CCSER1: variants seen among roughly 807,000 people sequenced by gnomAD.
The protein encoded by CCSER1 is serine-rich coiled-coil domain-containing protein 1.
Under a neutral mutation model 82.0 loss-of-function variants are expected in CCSER1, and 41 were observed. The observed-to-expected ratio is 0.50, with a 90% CI of 0.39 to 0.65. The LOEUF (loss-of-function observed/expected upper bound fraction) is 0.65. CCSER1 is among the 30% of genes least tolerant of loss of function. The pLI, the probability that CCSER1 is intolerant of heterozygous loss-of-function variation, is 0.00. For missense variants in CCSER1, 1,119 were observed against 1,064.2 expected (o/e 1.05, Z -0.72); for synonymous variants, 414 against 383.9 (o/e 1.08, Z -0.92).
chr4:90,434,497 A>C (rs1758744669), intron 4 of CCSER1, among the ~76,000 whole-genome samples: 1 of 152,198 alleles, frequency 6.6e-6, no homozygotes, highest in South Asian at 2.1e-4. Flanking sequence ...AACCCAGCAG[A>C]ACTGAAGAAC....
intron 7 of CCSER1, among the ~76,000 whole-genome samples, chr4:90,745,637 G>GAATTTCC (rs1747289465): frequency 6.7e-6 from 1 of 149,128 alleles, no homozygotes; most frequent in Non-Finnish European, 1.5e-5. Flanking sequence ...ACAGAGAAAG[G>GAATTTCC]AATTTCCATT....
At chr4:91,184,370 A>G (rs1734329985) in intron 10 of CCSER1, among the ~76,000 whole-genome samples, 1 of 152,226 alleles carries the variant, frequency 6.6e-6, no homozygotes, top group Non-Finnish European at 1.5e-5. Context: ...GGGGTAGTAA[A>G]GAAACAGTCT....
chr4:90,619,793 T>A (rs1005127414), intron 5 of CCSER1, among the ~76,000 whole-genome samples: 1 of 143,970 alleles, frequency 6.9e-6, no homozygotes, highest in Non-Finnish European at 1.5e-5. Flanking sequence ...ATAATTTGGA[T>A]TTTTTTTGTT....
At chr4:90,606,124 G>A (rs968653851) in intron 5 of CCSER1, among the ~76,000 whole-genome samples, 6 of 152,004 alleles carry the variant, frequency 3.9e-5, no homozygotes, top group African/African-American at 4.8e-5. Context: ...TTTAAACACC[G>A]AAGAGATAAG....
intron 8 of CCSER1, among the ~76,000 whole-genome samples, chr4:90,888,032 A>T (rs527242172): frequency 1.1e-4 from 17 of 152,336 alleles, no homozygotes; most frequent in African/African-American, 3.6e-4. Flanking sequence ...ATGTAAAAAT[A>T]AAATGACAAA....
At chr4:90,360,479 G>A (rs1745184313) in intron 3 of CCSER1, among the ~76,000 whole-genome samples, 1 of 150,232 alleles carries the variant, frequency 6.7e-6, no homozygotes, top group Non-Finnish European at 1.5e-5. Flanking sequence ...GGGAGGCTGA[G>A]GCAGGAGAAT....
At chr4:90,879,637 A>C (rs1008904108) in intron 8 of CCSER1, among the ~76,000 whole-genome samples, 1 of 151,770 alleles carries the variant, frequency 6.6e-6, no homozygotes, top group Non-Finnish European at 1.5e-5. Flanking sequence ...GGAAAGAAGA[A>C]AGAAGAAAGA....
intron 10 of CCSER1, among the ~76,000 whole-genome samples, chr4:91,405,693 C>T (rs768669054): frequency 2.0e-5 from 3 of 152,192 alleles, no homozygotes; most frequent in African/African-American, 7.2e-5. Context: ...AGGATATAAT[C>T]TCCTGGTGTG....
chr4:91,039,258 G>C (rs967656366), intron 9 of CCSER1, among the ~76,000 whole-genome samples: 2 of 151,102 alleles, frequency 1.3e-5, no homozygotes, highest in African/African-American at 4.9e-5. Context: ...GCCCAGGCTG[G>C]TCTCAAACTC....
chr4:90,270,691 T>C (rs1385886873), intron 1 of CCSER1, among the ~76,000 whole-genome samples: 1 of 152,042 alleles, frequency 6.6e-6, no homozygotes, highest in East Asian at 1.9e-4. Flanking sequence ...AGCATTTAAA[T>C]TGGATCATAC....
intron 5 of CCSER1, among the ~76,000 whole-genome samples, chr4:90,553,477 G>T (rs752958932): frequency 8.5e-5 from 13 of 152,212 alleles, no homozygotes; most frequent in Admixed American, 6.5e-4. Flanking sequence ...TGCATTTTCT[G>T]GTTCTTGTTT....
At chr4:91,266,473 G>T (rs1482430261) in intron 10 of CCSER1, among the ~76,000 whole-genome samples, 1 of 151,866 alleles carries the variant, frequency 6.6e-6, no homozygotes, top group African/African-American at 2.4e-5. Flanking sequence ...GGATGGTCTC[G>T]ATCTCCTGAT....
At chr4:90,762,475 G>C (rs1312579587) in intron 7 of CCSER1, among the ~76,000 whole-genome samples, 1 of 152,092 alleles carries the variant, frequency 6.6e-6, no homozygotes, top group East Asian at 1.9e-4. Flanking sequence ...GTTCTCCTTA[G>C]TTGAATCACT....
At chr4:90,408,370 G>T (rs539563091) in intron 4 of CCSER1, among the ~76,000 whole-genome samples, 20 of 152,306 alleles carry the variant, frequency 1.3e-4, no homozygotes, top group African/African-American at 4.8e-4. Context: ...TAGCCTAACT[G>T]GGAGGCATCC....
At chr4:91,411,711 T>C (rs2149372728) in intron 10 of CCSER1, among the ~76,000 whole-genome samples, 1 of 144,706 alleles carries the variant, frequency 6.9e-6, no homozygotes, top group East Asian at 2.1e-4. Flanking sequence ...TTCATTTTTT[T>C]TTTTTCATCC....
At chr4:91,233,313 G>C (rs1408933057) in intron 10 of CCSER1, among the ~76,000 whole-genome samples, 1 of 151,910 alleles carries the variant, frequency 6.6e-6, no homozygotes, top group African/African-American at 2.4e-5. Flanking sequence ...GTGCCATAGA[G>C]ATAACACCTT....
At chr4:91,226,007 C>A (rs1423332782) in intron 10 of CCSER1, among the ~76,000 whole-genome samples, 1 of 151,600 alleles carries the variant, frequency 6.6e-6, no homozygotes, top group African/African-American at 2.4e-5. Context: ...AATTAAATTC[C>A]TTTTTTTAAA....
rs921171894 is a variant in CCSER1 at position 91,527,766 on chromosome 4, A to G, written c.2218-70806A>G. Among the ~76,000 whole-genome samples the G allele has an allele frequency of 1.6e-4, 24 of 152,282 alleles. No individual in the cohort carries two copies. In the East Asian group the frequency reaches 1.9e-3, roughly 12 times the overall value. On this transcript the variant is annotated intron_variant, in intron 10 of 10. Coordinates refer to ENST00000509176, the MANE Select transcript of CCSER1 (RefSeq NM_001145065.2). Reference sequence around the variant, plus strand: ...ATATTTAGTATGAGGATTAGCATATATAAATATCTAAAGGCAAATAGAAAT... The same window carrying G: ...ATATTTAGTATGAGGATTAGCATATGTAAATATCTAAAGGCAAATAGAAAT...
chr4:90,438,936 A>G (rs1759456907), intron 4 of CCSER1, among the ~76,000 whole-genome samples: 1 of 152,216 alleles, frequency 6.6e-6, no homozygotes. Context: ...AATGAGAAAC[A>G]GCACTTTTTA....
Sources: allele counts gnomAD v4.1 joint callset (sites outside exome capture counted in the v4.1 genomes callset), GRCh38; gene constraint gnomAD v4.1.1; transcripts MANE v1.5; gene names NCBI Gene and HGNC (gene_info 2026-07-23, HGNC 2026-07-21).